The following EBF1 variants were observed in gnomAD, a reference collection of about 807,000 sequenced individuals.
The protein encoded by EBF1 is EBF transcription factor 1.
EBF1 carries 10 observed loss-of-function variants against 68.4 expected under a neutral mutation model. The observed-to-expected ratio is 0.15, with a 90% CI of 0.09 to 0.25. The LOEUF is 0.25. EBF1 is among the 10% of genes least tolerant of loss of function. EBF1 has a pLI of 1.00. For synonymous variants in EBF1, 298 were observed against 299.8 expected, an observed-to-expected ratio of 0.99 and a Z score of 0.06; for missense variants, 509 against 794.4, an observed-to-expected ratio of 0.64 and a Z score of 4.32.
Position 158,899,837 on chromosome 5 carries a change from C to T in EBF1, c.555-59727G>A, listed in dbSNP as rs1484238822. ...GATGGCCATTTCCATGAGAAAGGTGCGGTTTTGTGGGCAAACTTTTTAACC... is the reference window on the plus strand; with the variant it reads ...GATGGCCATTTCCATGAGAAAGGTGTGGTTTTGTGGGCAAACTTTTTAACC... On this transcript the variant is annotated intron_variant, in intron 6 of 15. Transcript: ENST00000313708. 2.6e-5 allele frequency among the ~76,000 whole-genome samples: 4 copies of T among 152,062 alleles called. No individual in the cohort carries two copies. The East Asian group carries it at 7.7e-4, about 29-fold the overall frequency.
chr5:158,841,010 A>G (rs1275207076), intron 6 of EBF1, among the ~76,000 whole-genome samples: 1 of 152,094 alleles, frequency 6.6e-6, no homozygotes, highest in Non-Finnish European at 1.5e-5. Context: ...GACAAGAGCT[A>G]GCTGTGATTG....
At chr5:158,948,088 A>G (rs966857810) in intron 6 of EBF1, among the ~76,000 whole-genome samples, 1 of 152,244 alleles carries the variant, frequency 6.6e-6, no homozygotes, top group African/African-American at 2.4e-5. Context: ...CAAAATTGAC[A>G]GACTGTCACA....
chr5:158,948,221 G>A (rs956383965), intron 6 of EBF1, among the ~76,000 whole-genome samples: 1 of 152,092 alleles, frequency 6.6e-6, no homozygotes, highest in Non-Finnish European at 1.5e-5. Context: ...GGAGATCTGG[G>A]TTCTTCTCAC....
At chr5:158,926,288 A>G in intron 6 of EBF1, among the ~76,000 whole-genome samples, 1 of 152,336 alleles carries the variant, frequency 6.6e-6, no homozygotes, top group Non-Finnish European at 1.5e-5. Flanking sequence ...TTATATCTTA[A>G]TAAATGCATC....
At chr5:158,947,786 A>G (rs1815104498) in intron 6 of EBF1, among the ~76,000 whole-genome samples, 1 of 152,200 alleles carries the variant, frequency 6.6e-6, no homozygotes, top group Admixed American at 6.6e-5. Flanking sequence ...TAAATACGAA[A>G]GTAAAGAGTT....
At chr5:159,027,403 C>T (rs971156988) in intron 6 of EBF1, among the ~76,000 whole-genome samples, 2 of 152,170 alleles carry the variant, frequency 1.3e-5, no homozygotes, top group East Asian at 1.9e-4. Context: ...CTGTTCATCC[C>T]CAGACCAGGT....
chr5:158,956,876 A>G (rs1174339301), intron 6 of EBF1, among the ~76,000 whole-genome samples: 1 of 149,002 alleles, frequency 6.7e-6, no homozygotes, highest in Non-Finnish European at 1.5e-5. Flanking sequence ...CTCCTGCCTC[A>G]GCCTCCGGAG....
At chr5:158,734,805 C>T (rs988198959) in intron 10 of EBF1, among the ~76,000 whole-genome samples, 2 of 151,880 alleles carry the variant, frequency 1.3e-5, no homozygotes, top group Admixed American at 6.6e-5. Context: ...AAAAGAAAAA[C>T]AGATGAAGCT....
chr5:158,723,615 C>T (rs1433628723), intron 11 of EBF1, among the ~76,000 whole-genome samples: 1 of 152,018 alleles, frequency 6.6e-6, no homozygotes, highest in Non-Finnish European at 1.5e-5. Context: ...ATTTTCAAAA[C>T]TCTATAAAAG....
At chr5:159,072,466 A>G (rs1561946644) in intron 6 of EBF1, among the ~76,000 whole-genome samples, 2 of 152,164 alleles carry the variant, frequency 1.3e-5, no homozygotes, top group Admixed American at 6.5e-5. Flanking sequence ...GCTGAAACCC[A>G]AAAAGGGACT....
In EBF1 at chr5:158,777,376, C is replaced by T. The variant is rs114617832; in HGVS notation, c.1036+37G>A. The T allele has an allele frequency of 2.2e-3, 3,374 of 1,563,780 alleles. 63 individuals are homozygous for T. In the African/African-American group the frequency reaches 0.04, roughly 19 times the overall value. On this transcript the variant is annotated intron_variant, in intron 10 of 15. Coordinates refer to ENST00000313708, the MANE Select transcript of EBF1 (RefSeq NM_024007.5). The stretch of plus-strand genomic sequence containing the variant: ...TAAGGGGAAAGACCCCACAAGACCA[C>T]GGCAGTTCTGTGCTCACCATGTGCT...
rs1171361963 is a variant in EBF1 at position 158,697,734 on chromosome 5, C to CAACA, written c.*1373_*1376dup. ...AAGACATTAAAATGTATAAATAGAA[C>CAACA]AACAACTTTGGCAAAAAATCACAAA... is the stretch of plus-strand genomic sequence containing the variant. On this transcript the variant is annotated 3_prime_UTR_variant, in exon 16 of 16. Coordinates refer to ENST00000313708, the MANE Select transcript of EBF1 (RefSeq NM_024007.5). 1 of 206,500 alleles carries CAACA rather than the reference C, an allele frequency of 4.8e-6. No individual in the cohort carries two copies. Among genetic ancestry groups the CAACA allele is most frequent in the Admixed American group, 6.0e-5 (1 of 16,652 alleles). The allele number at this position is 206,500 out of a possible 1,614,324, so 12.8% of individuals were successfully genotyped here.
intron 6 of EBF1, among the ~76,000 whole-genome samples, chr5:158,901,550 T>C (rs1451945327): frequency 1.3e-5 from 2 of 152,260 alleles, no homozygotes; most frequent in Non-Finnish European, 1.5e-5. Context: ...TGAGCACTAT[T>C]TTGCAACAGC....
chr5:158,981,957 T>C (rs1033303514), intron 6 of EBF1, among the ~76,000 whole-genome samples: 1 of 152,228 alleles, frequency 6.6e-6, no homozygotes, highest in Non-Finnish European at 1.5e-5. Flanking sequence ...ACTTGACTCA[T>C]GATCTAGCTA....
chr5:159,006,647 T>TTAAAAAAAAAAAAAA (rs1763612371), intron 6 of EBF1, among the ~76,000 whole-genome samples: 1 of 56,226 alleles, frequency 1.8e-5, no homozygotes, highest in Non-Finnish European at 3.0e-5. Context: ...ATAGCCATGT[T>TTAAAAAAAAAAAAAA]AAAAAAAAAA....
At chr5:158,709,454 C>G (rs1392988924) in intron 14 of EBF1, among the ~76,000 whole-genome samples, 1 of 152,154 alleles carries the variant, frequency 6.6e-6, no homozygotes, top group East Asian at 1.9e-4. Flanking sequence ...GGAGCTCTTT[C>G]TGCTAAGCTA....
intron 6 of EBF1, among the ~76,000 whole-genome samples, chr5:159,006,831 T>G (rs1763670322): frequency 6.6e-6 from 1 of 152,116 alleles, no homozygotes; most frequent in East Asian, 1.9e-4. Context: ...CCAATTTCTA[T>G]TCTCTGTTAA....
Position 158,709,036 on chromosome 5 carries a change from G to A in EBF1, c.1550-863C>T, listed in dbSNP as rs147887438. 3.9e-5 allele frequency among the ~76,000 whole-genome samples: 6 copies of A among 152,292 alleles called. No homozygotes were observed. The East Asian group carries it at 1.2e-3, about 29-fold the overall frequency. ...TAGACGTACATTCTCTACCGACCAT[G>A]ATCCTCTTGGCCTGGCCTCTCATCT... On this transcript the variant is annotated intron_variant, in intron 14 of 15. Coordinates refer to ENST00000313708, the MANE Select transcript of EBF1 (RefSeq NM_024007.5).
At chr5:159,043,500 T>C (rs189157026) in intron 6 of EBF1, among the ~76,000 whole-genome samples, 1 of 152,292 alleles carries the variant, frequency 6.6e-6, no homozygotes, top group East Asian at 1.9e-4. Context: ...GCTTGGTACA[T>C]AGTAGGTGTC....
Sources: gnomAD v4.1 joint callset for allele counts (sites outside exome capture counted in the v4.1 genomes callset) on GRCh38, gnomAD v4.1.1 for gene constraint, MANE v1.5 for transcripts, NCBI Gene and HGNC (gene_info 2026-07-23, HGNC 2026-07-21) for gene names.